Variants in ZFAND4 observed in about 807,000 individuals in gnomAD.
ZFAND4 encodes the protein zinc finger AN1-type containing 4.
ZFAND4 carries 43 observed loss-of-function variants against 64.4 expected under a neutral mutation model. The observed-to-expected ratio is 0.67, with a 90% CI of 0.52 to 0.86. The LOEUF (loss-of-function observed/expected upper bound fraction) is 0.86, where lower values mean the gene tolerates loss of function less well. ZFAND4 is among the 40% of genes least tolerant of loss of function. The pLI, the probability that ZFAND4 is intolerant of heterozygous loss-of-function variation, is 0.00. For synonymous variants in ZFAND4, 296 were observed against 305.7 expected, an observed-to-expected ratio of 0.97 and a Z score of 0.33; for missense variants, 929 against 859.8, an observed-to-expected ratio of 1.08 and a Z score of -1.01.
At position 45,671,821 on chromosome 10, in the gene ZFAND4, T is replaced by TAA. The variant is rs199848014; in HGVS notation, c.-118+427_-118+428dup. On this transcript the variant is annotated intron_variant, in intron 1 of 9. Transcript: ENST00000344646. ...CGTTGTGCACATGTACCCTAGAACT[T>TAA]AAAAAAAAAAAAAAAATCAATTCCC... 7.8e-5 allele frequency among the ~76,000 whole-genome samples: 11 copies of TAA among 141,290 alleles called. 1 individual carries two copies. Among genetic ancestry groups the TAA allele is most frequent in the African/African-American group, 2.8e-4 (11 of 38,820 alleles). 92.7% of individuals were successfully genotyped at this position (141,290 alleles called of 152,430 possible). A position where few individuals can be genotyped will look rare whatever the true frequency, so the allele number is the denominator to read the frequency against.
Position 45,637,004 on chromosome 10 carries a change from GAA to G in ZFAND4, c.717+2810_717+2811del, listed in dbSNP as rs58965939. On this transcript the variant is annotated intron_variant, in intron 6 of 9. Transcript: ENST00000344646. ...GAGCTAAGTCAATTGTTCCCCATCA[GAA>G]AAAAAAAAAAAAAAGATCTTTACCC... Among the ~76,000 whole-genome samples the G allele has an allele frequency of 1.0e-3, 124 of 120,324 alleles. 1 individual carries two copies. In the Middle Eastern group the frequency reaches 0.013, roughly 12 times the overall value. The allele number at this position is 120,324 out of a possible 152,430, so 78.9% of individuals were successfully genotyped here.
In ZFAND4 at chr10:45,648,790, T is replaced by C. The variant is rs190850782; in HGVS notation, c.329-256A>G. On this transcript the variant is annotated intron_variant, in intron 4 of 9. Transcript: ENST00000344646. ...ACAGGGCTAAACTAAAACATGAGAG[T>C]TTTTTGTCCTATGCCATTATAGTCT... Among the ~76,000 whole-genome samples the C allele has an allele frequency of 3.0e-3, 452 of 151,734 alleles. 1 individual carries two copies. The highest frequency in any genetic ancestry group is 4.1e-3 in the Non-Finnish European group (280 of 67,948).
chr10:45,625,098 G>C (rs568987364), intron 7 of ZFAND4, among the ~76,000 whole-genome samples: 1 of 150,568 alleles, frequency 6.6e-6, no homozygotes, highest in Non-Finnish European at 1.5e-5. Flanking sequence ...GATTGCTTGA[G>C]CCCTGGAGGT....
intron 9 of ZFAND4, 95 bp downstream of exon 9, chr10:45,618,045 T>C (rs934790503): frequency 2.3e-6 from 3 of 1,324,236 alleles, no homozygotes; most frequent in African/African-American, 3.0e-5. Flanking sequence ...CTTAATGATG[T>C]TATAAACAGG....
intron 6 of ZFAND4, among the ~76,000 whole-genome samples, chr10:45,635,006 G>GA (rs1055239119): frequency 1.3e-5 from 2 of 151,646 alleles, no homozygotes; most frequent in African/African-American, 4.8e-5. Context: ...ACAAAAATAT[G>GA]AAAAAATATT....
At chr10:45,640,423 TAAAAAA>T (rs35229531) in intron 5 of ZFAND4, 62 of 917,484 alleles carry the variant, frequency 6.8e-5, no homozygotes, top group Admixed American at 2.5e-4. Flanking sequence ...AGATTCTCAC[TAAAAAA>T]AAAAAAAAAA....
intron 6 of ZFAND4, among the ~76,000 whole-genome samples, chr10:45,632,843 A>G (rs1229746665): frequency 6.6e-6 from 1 of 152,192 alleles, no homozygotes; most frequent in African/African-American, 2.4e-5. Flanking sequence ...CTGGCTCACA[A>G]AGCAAAAACC....
chr10:45,644,153 G>A (rs560027911), intron 5 of ZFAND4, among the ~76,000 whole-genome samples: 37 of 152,268 alleles, frequency 2.4e-4, no homozygotes, highest in African/African-American at 8.9e-4. Context: ...TAATTCAACA[G>A]TATTTTGACT....
At chr10:45,653,919 G>C (rs557912716) in intron 2 of ZFAND4, among the ~76,000 whole-genome samples, 5 of 152,272 alleles carry the variant, frequency 3.3e-5, no homozygotes, top group Admixed American at 3.3e-4. Context: ...AATCAATCAA[G>C]ATGCCCCTGC....
rs1223042071 is a variant in ZFAND4 at position 45,625,215 on chromosome 10, G to A, written c.1873-578C>T. 3.3e-5 allele frequency among the ~76,000 whole-genome samples: 5 copies of A among 150,878 alleles called. No individual in the cohort carries two copies. In the East Asian group the frequency reaches 5.9e-4, roughly 18 times the overall value. The stretch of plus-strand genomic sequence containing the variant: ...AGGCCGGGCGCAATGGCTCACACCT[G>A]TAATCCCAGCACTTTGGGAGGCCCA... On this transcript the variant is annotated intron_variant, in intron 7 of 9. Coordinates refer to ENST00000344646, the MANE Select transcript of ZFAND4 (RefSeq NM_174890.4).
chr10:45,638,442 C>T (rs987105987), intron 6 of ZFAND4, among the ~76,000 whole-genome samples: 3 of 149,774 alleles, frequency 2.0e-5, no homozygotes, highest in Non-Finnish European at 4.4e-5. Context: ...TGCAGTGAGC[C>T]GAGATAGCGC....
chr10:45,640,479 T>G, intron 5 of ZFAND4: 10 of 1,151,138 alleles, frequency 8.7e-6, no homozygotes, highest in Non-Finnish European at 1.1e-5. Context: ...CATTTTCTAT[T>G]CTTAAGGAGC....
intron 5 of ZFAND4, among the ~76,000 whole-genome samples, chr10:45,644,351 C>A (rs1302771174): frequency 6.6e-6 from 1 of 152,130 alleles, no homozygotes; most frequent in Non-Finnish European, 1.5e-5. Context: ...AGGAAAACAG[C>A]ATAAATAGAC....
At chr10:45,640,312 T>C in intron 5 of ZFAND4, 1 of 1,249,084 alleles carries the variant, frequency 8.0e-7, no homozygotes, top group Non-Finnish European at 1.0e-6. Context: ...CCAAGGCTGA[T>C]AATTGTGCAA....
rs142062130 is a variant in ZFAND4 at position 45,655,536 on chromosome 10, T to C, written c.185-2477A>G. On this transcript the variant is annotated intron_variant, in intron 2 of 9. Transcript: ENST00000344646. ...AAGATCAGAGCAGAACTAAATTGAA[T>C]GGAAACAAAAAATACTAAAGATCAA... Among the ~76,000 whole-genome samples, 587 of 152,116 alleles carry C rather than the reference T, an allele frequency of 3.9e-3. 5 individuals are homozygous for C. The highest frequency in any genetic ancestry group is 6.2e-3 in the Admixed American group (95 of 15,278).
rs141763621 is a variant in ZFAND4, at chr10:45,626,064, C to T, written c.1759G>A (p.Gly587Arg). The change falls in exon 7 of 10, where the codon GGG becomes AGG. Residue 587 changes from glycine (G) to arginine (R), a missense_variant. Transcript: ENST00000344646. ...TSRNRLQSTR[G>R]AGRLQNSGTG... The stretch of plus-strand genomic sequence containing the variant: ...CCAGAGTTCTGAAGCCTGCCTGCCC[C>T]ACGTGTGCTCTGTAATCTATTTCTG... 1 of 1,613,936 alleles carries T rather than the reference C, an allele frequency of 6.2e-7. No individual in the cohort carries two copies. Among genetic ancestry groups the T allele is most frequent in the Non-Finnish European group, 8.5e-7 (1 of 1,180,026 alleles).
At chr10:45,657,966 A>C (rs2048241180) in intron 2 of ZFAND4, among the ~76,000 whole-genome samples, 1 of 152,210 alleles carries the variant, frequency 6.6e-6, no homozygotes, top group African/African-American at 2.4e-5. Context: ...GTACAGGAGA[A>C]TTCTGATAGG....
intron 6 of ZFAND4, among the ~76,000 whole-genome samples, chr10:45,633,462 T>G (rs1311353139): frequency 6.6e-6 from 1 of 152,004 alleles, no homozygotes; most frequent in Non-Finnish European, 1.5e-5. Context: ...CCCAGCTACG[T>G]GGGAGGCTGA....
At chr10:45,671,973 C>A (rs1730074883) in intron 1 of ZFAND4, among the ~76,000 whole-genome samples, 1 of 152,182 alleles carries the variant, frequency 6.6e-6, no homozygotes, top group African/African-American at 2.4e-5. Context: ...TTTCTCCAAC[C>A]TCTGCTCTAA....
Sources: gnomAD v4.1 joint callset for allele counts (sites outside exome capture counted in the v4.1 genomes callset) on GRCh38, gnomAD v4.1.1 for gene constraint, MANE v1.5 for transcripts, NCBI Gene and HGNC (gene_info 2026-07-23, HGNC 2026-07-21) for gene names.